The following REEP1 variants were observed in gnomAD, a reference collection of about 807,000 sequenced individuals.
The protein encoded by REEP1 is receptor expression-enhancing protein 1.
Under a neutral mutation model 40.3 loss-of-function variants are expected in REEP1, and 22 were observed. The ratio of observed to expected loss-of-function variants is 0.55; its 90% confidence interval spans 0.39 to 0.78. The LOEUF is 0.78. Among genes scored for constraint, REEP1 ranks in the 30% least tolerant of loss-of-function variants. The pLI, the probability that REEP1 is intolerant of heterozygous loss-of-function variation, is 0.00. For synonymous variants in REEP1, 116 were observed against 139.2 expected (o/e 0.83, Z 1.17); for missense variants, 280 against 361.1 (o/e 0.78, Z 1.82).
chr2:86,265,759 G>A (rs1444448451), intron 2 of REEP1, among the ~76,000 whole-genome samples: 1 of 152,064 alleles, frequency 6.6e-6, no homozygotes, highest in African/African-American at 2.4e-5. Flanking sequence ...CATAGAGAGT[G>A]GAATAATAGA....
At chr2:86,313,823 A>G (rs1412693545) in intron 1 of REEP1, among the ~76,000 whole-genome samples, 1 of 152,022 alleles carries the variant, frequency 6.6e-6, no homozygotes, top group Non-Finnish European at 1.5e-5. Context: ...GGGAGCAGCC[A>G]CCCCTCAGCT....
At chr2:86,250,766 T>C (rs988316143) in intron 5 of REEP1, among the ~76,000 whole-genome samples, 46 of 152,182 alleles carry the variant, frequency 3.0e-4, no homozygotes, top group Non-Finnish European at 6.6e-4. Context: ...GCAGAATTCC[T>C]TGGCTTCCTG....
chr2:86,284,759 C>T (rs534132230), intron 1 of REEP1, among the ~76,000 whole-genome samples: 9 of 152,066 alleles, frequency 5.9e-5, no homozygotes, highest in East Asian at 1.9e-4. Flanking sequence ...ACCCGTGGGT[C>T]GTGACACCCT....
rs141742093 is a variant in REEP1, at chr2:86,261,437, C to G, written c.182+2528G>C. Among the ~76,000 whole-genome samples, 54 of 152,272 alleles carry G rather than the reference C, an allele frequency of 3.5e-4. No individual in the cohort carries two copies. In the East Asian group the frequency reaches 9.3e-3, roughly 26 times the overall value. ...GTTAATCTATAACCTTACCCCCAAC[C>G]CCGTGCTCTCTGAAACATGTGCTGT... On this transcript the variant is annotated intron_variant, in intron 3 of 8. Transcript: ENST00000538924.
At chr2:86,292,071 G>C (rs1183085322) in intron 1 of REEP1, among the ~76,000 whole-genome samples, 1 of 152,156 alleles carries the variant, frequency 6.6e-6, no homozygotes, top group East Asian at 1.9e-4. Context: ...TATTGTGTGT[G>C]GTAGAAAGAG....
intron 1 of REEP1, among the ~76,000 whole-genome samples, chr2:86,302,563 C>T (rs1679298760): frequency 6.6e-6 from 1 of 152,138 alleles, no homozygotes; most frequent in South Asian, 2.1e-4. Flanking sequence ...AAGATTAACA[C>T]ATAAATATGT....
chr2:86,226,073 T>TACCACCACC (rs1674664667), intron 7 of REEP1, among the ~76,000 whole-genome samples: 2 of 60,528 alleles, frequency 3.3e-5, no homozygotes, highest in South Asian at 7.3e-4. Flanking sequence ...TGCTCCAGGC[T>TACCACCACC]ATCACCACCA....
chr2:86,221,344 T>A (rs150409580), intron 7 of REEP1, among the ~76,000 whole-genome samples: 42 of 152,358 alleles, frequency 2.8e-4, no homozygotes, highest in African/African-American at 8.9e-4. Context: ...AGACTGGGCC[T>A]TAGTAAGTAA....
intron 1 of REEP1, among the ~76,000 whole-genome samples, chr2:86,321,627 T>C (rs1386403902): frequency 6.6e-6 from 1 of 152,226 alleles, no homozygotes; most frequent in Non-Finnish European, 1.5e-5. Context: ...AAATTGGGTT[T>C]ATCCAGGAAG....
chr2:86,261,881 A>T lies in REEP1; in HGVS notation c.182+2084T>A, dbSNP rs2104292283. The stretch of plus-strand genomic sequence containing the variant: ...TACTGAGATAGGGAAAAACCGCCTT[A>T]GGGCTGGAGGTGGGACATGCGGGCA... On this transcript the variant is annotated intron_variant, in intron 3 of 8. Transcript: ENST00000538924. Among the ~76,000 whole-genome samples the T allele has an allele frequency of 2.0e-5, 3 of 152,380 alleles. No individual in the cohort carries two copies. In the Middle Eastern group the frequency reaches 0.01, roughly 518 times the overall value.
intron 6 of REEP1, among the ~76,000 whole-genome samples, chr2:86,229,796 G>C (rs1674911869): frequency 6.6e-6 from 1 of 151,774 alleles, no homozygotes; most frequent in African/African-American, 2.4e-5. Flanking sequence ...GTTTTTAGTA[G>C]AGACGGGGTT....
chr2:86,249,601 C>T (rs773349061), intron 5 of REEP1, among the ~76,000 whole-genome samples: 19 of 151,842 alleles, frequency 1.3e-4, no homozygotes, highest in Non-Finnish European at 2.6e-4. Flanking sequence ...TCTGATTCAG[C>T]ACATCTGAGA....
intron 1 of REEP1, among the ~76,000 whole-genome samples, chr2:86,328,189 A>C (rs1307919085): frequency 6.6e-6 from 1 of 152,148 alleles, no homozygotes; most frequent in African/African-American, 2.4e-5. Context: ...TGTTCTTGGA[A>C]ATCCAACGTG....
intron 3 of REEP1, among the ~76,000 whole-genome samples, chr2:86,258,528 CG>C (rs966702008): frequency 6.6e-6 from 1 of 152,074 alleles, no homozygotes; most frequent in African/African-American, 2.4e-5. Context: ...AGTGTAGGGG[CG>C]TGGGATGGAG....
At chr2:86,285,713 G>C (rs1370630814) in intron 1 of REEP1, among the ~76,000 whole-genome samples, 1 of 152,208 alleles carries the variant, frequency 6.6e-6, no homozygotes, top group Non-Finnish European at 1.5e-5. Flanking sequence ...GGGCAATCAG[G>C]AGGGTCCCTC....
chr2:86,248,625 T>C (rs1676098222), intron 5 of REEP1, among the ~76,000 whole-genome samples: 1 of 152,000 alleles, frequency 6.6e-6, no homozygotes. Context: ...TAATTTTTAA[T>C]TTTTTGTAGA....
intron 6 of REEP1, among the ~76,000 whole-genome samples, chr2:86,231,128 C>G (rs973238387): frequency 6.6e-6 from 1 of 152,218 alleles, no homozygotes; most frequent in Admixed American, 6.5e-5. Context: ...TGACCCTGCA[C>G]AGTCCCCTTC....
chr2:86,337,964 TC>T (rs1278404551), upstream of REEP1: 1 of 1,449,326 alleles, frequency 6.9e-7, no homozygotes, highest in Admixed American at 2.0e-5. The surrounding 1 kb of genome is among the most constrained non-coding windows in gnomAD (Gnocchi z 5.8). Flanking sequence ...TCTGCACCTG[TC>T]TAGGTGGGAT....
chr2:86,243,754 T>A (rs1306828603), intron 5 of REEP1, among the ~76,000 whole-genome samples: 1 of 152,198 alleles, frequency 6.6e-6, no homozygotes, highest in Non-Finnish European at 1.5e-5. Context: ...GTTTAGATAA[T>A]CTTGGTGTTT....
Sources: gnomAD v4.1 joint callset for allele counts (sites outside exome capture counted in the v4.1 genomes callset) on GRCh38, gnomAD v4.1.1 for gene constraint, Gnocchi (gnomAD v3.1) non-coding constraint, MANE v1.5 for transcripts, NCBI Gene and HGNC (gene_info 2026-07-23, HGNC 2026-07-21) for gene names.